PDLIM3: variants seen among roughly 807,000 people sequenced by gnomAD.
PDLIM3 encodes PDZ and LIM domain protein 3.
A neutral mutation model predicts 37.3 loss-of-function variants in PDLIM3; 36 were observed. That is an observed-to-expected ratio of 0.97 (90% confidence interval 0.74 to 1.28). The LOEUF (loss-of-function observed/expected upper bound fraction) is 1.28, where lower values mean the gene tolerates loss of function less well. PDLIM3 is among the 50% of genes most tolerant of loss of function. The probability of loss-of-function intolerance (pLI) is 0.00; values close to 1 mark genes in which losing one functional copy is unlikely to be tolerated. For synonymous variants in PDLIM3, 174 were observed against 182.4 expected (o/e 0.95, Z 0.37); for missense variants, 454 against 485.0 (o/e 0.94, Z 0.60).
intron 3 of PDLIM3, among the ~76,000 whole-genome samples, chr4:185,519,431 G>A (rs979269627): frequency 3.9e-5 from 6 of 152,076 alleles, no homozygotes; most frequent in East Asian, 3.9e-4. Context: ...GACCACAGGC[G>A]TGTGCCACCA....
chr4:185,505,775 C>T (rs960582587), intron 6 of PDLIM3, among the ~76,000 whole-genome samples: 1 of 152,206 alleles, frequency 6.6e-6, no homozygotes, highest in African/African-American at 2.4e-5. Context: ...CTCTATGTTA[C>T]CTTCCCATCA....
chr4:185,535,240 G>T, intron 1 of PDLIM3, 102 bp downstream of exon 1: 4 of 1,065,400 alleles, frequency 3.8e-6, no homozygotes, highest in Non-Finnish European at 5.5e-6. Flanking sequence ...GCCCGCCCTC[G>T]CGCGCTTTCT....
At chr4:185,518,757 T>C (rs1406368825) in intron 3 of PDLIM3, among the ~76,000 whole-genome samples, 1 of 152,208 alleles carries the variant, frequency 6.6e-6, no homozygotes, top group Non-Finnish European at 1.5e-5. Flanking sequence ...TTGTTTTATA[T>C]GGGCTGCCTT....
intron 4 of PDLIM3, chr4:185,513,731 T>C: frequency 9.9e-7 from 1 of 1,012,862 alleles, no homozygotes; most frequent in Non-Finnish European, 1.2e-6. Context: ...TGTTTCCTGA[T>C]TTGGCAATAC....
chr4:185,504,722 A>G lies in PDLIM3; in HGVS notation c.794-136T>C. On this transcript the variant is annotated intron_variant, in intron 6 of 7. Coordinates refer to ENST00000284767, the MANE Select transcript of PDLIM3 (RefSeq NM_014476.6). This position sits in a 1 kb window ranked among gnomAD's most constrained non-coding sequence, Gnocchi z 4.7. ...TTCCGAGAGGGGCAGGACTGATGCA[A>G]TCATAAGGGACGCTGTTCTGAAATA... 3 of 701,032 alleles carry G rather than the reference A, an allele frequency of 4.3e-6. No homozygotes were observed. The highest frequency in any genetic ancestry group is 7.8e-6 in the Non-Finnish European group (3 of 386,804). 43.4% of individuals were successfully genotyped at this position (701,032 alleles called of 1,614,324 possible).
At chr4:185,503,213 G>A (rs2095690371) in intron 7 of PDLIM3, among the ~76,000 whole-genome samples, 1 of 147,930 alleles carries the variant, frequency 6.8e-6, no homozygotes, top group Non-Finnish European at 1.5e-5. Context: ...GACAGAGCGA[G>A]ACTGTCTCAA....
Position 185,503,248 on chromosome 4 carries a change from A to C in PDLIM3, c.906-765T>G, listed in dbSNP as rs867761072. Among the ~76,000 whole-genome samples, 49 of 119,530 alleles carry C rather than the reference A, an allele frequency of 4.1e-4. 1 individual carries two copies. Among genetic ancestry groups the C allele is most frequent in the Middle Eastern group, 8.5e-3 (2 of 234 alleles). The allele number at this position is 119,530 out of a possible 152,430, so 78.4% of individuals were successfully genotyped here. On this transcript the variant is annotated intron_variant, in intron 7 of 7. Transcript: ENST00000284767. ...AAAACAACAACAACAATAACAACAA[A>C]AACAAAACAAAACAAAAAACCAGAT...
intron 6 of PDLIM3, among the ~76,000 whole-genome samples, chr4:185,505,836 C>T (rs1001560407): frequency 1.3e-5 from 2 of 152,204 alleles, no homozygotes; most frequent in African/African-American, 2.4e-5. Flanking sequence ...ACTTGTTATT[C>T]TCCATGTCTG....
rs758987751 is a variant in PDLIM3 at position 185,535,388 on chromosome 4, C to A, written c.47G>T (p.Arg16Met). 10 of 1,608,160 alleles carry A rather than the reference C, an allele frequency of 6.2e-6. No individual in the cohort carries two copies. The highest frequency in any genetic ancestry group is 1.7e-5 in the Admixed American group (1 of 59,538). The change falls in exon 1 of 8, where the codon AGG becomes ATG. Residue 16 changes from arginine to methionine, a missense_variant. Coordinates refer to ENST00000284767, the MANE Select transcript of PDLIM3 (RefSeq NM_014476.6). ...GTTGAAGTCTATGCCCCCTGAGAGCCTGAAGCCCCAGGGCGCAGGGCCCGG... is the reference window on the plus strand; with the variant it reads ...GTTGAAGTCTATGCCCCCTGAGAGCATGAAGCCCCAGGGCGCAGGGCCCGG... ...ILPGPAPWGF[R>M]LSGGIDFNQP... is the part of the protein sequence containing the mutation.
At chr4:185,526,933 C>T (rs2095735297) in intron 1 of PDLIM3, among the ~76,000 whole-genome samples, 1 of 152,212 alleles carries the variant, frequency 6.6e-6, no homozygotes, top group African/African-American at 2.4e-5. Context: ...TCATTTTTCA[C>T]CATTACATCC....
chr4:185,508,426 C>T lies in PDLIM3; in HGVS notation c.535G>A (p.Glu179Lys), dbSNP rs2095701390. The change falls in exon 5 of 8, where the codon GAA becomes AAA. Residue 179 changes from glutamate (E) to lysine (K), a missense_variant. Coordinates refer to ENST00000284767, the MANE Select transcript of PDLIM3 (RefSeq NM_014476.6). ...KLAPNIPLEMELPGVKIVHAQ... is the reference protein window; with the variant it reads ...KLAPNIPLEMKLPGVKIVHAQ... ...TGTACAATCTTCACACCAGGAAGTT[C>T]CATTTCCAAAGGAATGTTAGGGGCC... 2 of 1,614,158 alleles carry T rather than the reference C, an allele frequency of 1.2e-6. No homozygotes were observed. The highest frequency in any genetic ancestry group is 1.7e-6 in the Non-Finnish European group (2 of 1,180,040).
At chr4:185,512,474 A>G (rs905841237) in intron 4 of PDLIM3, 2 of 158,328 alleles carry the variant, frequency 1.3e-5, no homozygotes, top group South Asian at 2.0e-4. Context: ...ATTCAGCTAC[A>G]TTAAAAGGTG....
Position 185,529,258 on chromosome 4 carries a change from T to A in PDLIM3, c.94-4087A>T, listed in dbSNP as rs141876278. ...AGGAGAGGAGCCAGGGAATTTATGC[T>A]TTCAACAAGCGCCTCAGATGATTTC... On this transcript the variant is annotated intron_variant, in intron 1 of 7. Coordinates refer to ENST00000284767, the MANE Select transcript of PDLIM3 (RefSeq NM_014476.6). Among the ~76,000 whole-genome samples, 33 of 152,322 alleles carry A rather than the reference T, an allele frequency of 2.2e-4. No individual in the cohort carries two copies. The East Asian group carries it at 6.0e-3, about 28-fold the overall frequency.
At chr4:185,509,762 T>C (rs1299779309) in intron 4 of PDLIM3, among the ~76,000 whole-genome samples, 2 of 152,226 alleles carry the variant, frequency 1.3e-5, no homozygotes, top group African/African-American at 2.4e-5. Flanking sequence ...GTCTCAAGTA[T>C]GGCCCCATAT....
chr4:185,529,462 A>G lies in PDLIM3; in HGVS notation c.94-4291T>C, dbSNP rs146003475. On this transcript the variant is annotated intron_variant, in intron 1 of 7. Transcript: ENST00000284767. ...ACTGAAATAGTTATGGAGCAAGACA[A>G]GCACACACTGAAGCACTGCACGGTA... Among the ~76,000 whole-genome samples the G allele has an allele frequency of 8.1e-4, 124 of 152,356 alleles. 2 individuals carry two copies. The highest frequency in any genetic ancestry group is 2.7e-3 in the African/African-American group (113 of 41,582).
chr4:185,528,933 T>C (rs2095739040), intron 1 of PDLIM3, among the ~76,000 whole-genome samples: 2 of 152,346 alleles, frequency 1.3e-5, no homozygotes, highest in South Asian at 2.1e-4. Context: ...TATTGCATTA[T>C]TATATTCTTT....
intron 1 of PDLIM3, among the ~76,000 whole-genome samples, chr4:185,526,181 T>G (rs1412727190): frequency 6.6e-6 from 1 of 152,210 alleles, no homozygotes; most frequent in Non-Finnish European, 1.5e-5. Flanking sequence ...TCAGCTAAAA[T>G]TATTAACAAA....
intron 1 of PDLIM3, 59 bp downstream of exon 1, chr4:185,535,282 TC>T: frequency 8.3e-6 from 12 of 1,441,882 alleles, no homozygotes; most frequent in African/African-American, 2.9e-5. Context: ...ATCCACTGCG[TC>T]CCCCCGGACG....
At position 185,504,465 on chromosome 4, in the gene PDLIM3, T is replaced by G; in HGVS notation, c.905+10A>C. The G allele has an allele frequency of 6.2e-7, 1 of 1,600,084 alleles. No homozygotes were observed. Among genetic ancestry groups the G allele is most frequent in the South Asian group, 1.1e-5 (1 of 90,774 alleles). The stretch of plus-strand genomic sequence containing the variant: ...GTATCGTAAATTCCAGGGTTAAAAG[T>G]GAAACTTACACTATGCCACTCCCAC... On this transcript the variant is annotated intron_variant, in intron 7 of 7. Coordinates refer to ENST00000284767, the MANE Select transcript of PDLIM3 (RefSeq NM_014476.6). The surrounding 1 kb of genome is among the most constrained non-coding windows in gnomAD (Gnocchi z 4.7).
Sources: allele counts gnomAD v4.1 joint callset (sites outside exome capture counted in the v4.1 genomes callset), GRCh38; gene constraint gnomAD v4.1.1; non-coding constraint Gnocchi (gnomAD v3.1); transcripts MANE v1.5; gene names NCBI Gene and HGNC (gene_info 2026-07-23, HGNC 2026-07-21).